SKAP2: variants seen among roughly 807,000 people sequenced by gnomAD.
The protein encoded by SKAP2 is src kinase-associated phosphoprotein 2.
In SKAP2, 28 loss-of-function variants were observed where a neutral mutation model predicts 54.9. That is an observed-to-expected ratio of 0.51 (90% CI 0.38 to 0.70). The LOEUF (loss-of-function observed/expected upper bound fraction) is 0.70, where lower values mean the gene tolerates loss of function less well. Among genes scored for constraint, SKAP2 ranks in the 30% least tolerant of loss-of-function variants. The pLI is 0.00. For missense variants in SKAP2, 356 were observed against 424.1 expected, an observed-to-expected ratio of 0.84 and a Z score of 1.41; for synonymous variants, 137 against 134.3, an observed-to-expected ratio of 1.02 and a Z score of -0.14.
rs556021465 is a variant in SKAP2 at position 26,684,290 on chromosome 7, C to T, written c.987+446G>A. ...TAGAAAAGCATTGCTTTTAAATTGC[C>T]GGAACACCCAACATATTTACATAAA... On this transcript the variant is annotated intron_variant, in intron 11 of 12. Transcript: ENST00000345317. Among the ~76,000 whole-genome samples, 4 of 152,078 alleles carry T rather than the reference C, an allele frequency of 2.6e-5. No homozygotes were observed. In the South Asian group the frequency reaches 6.2e-4, roughly 24 times the overall value.
chr7:26,771,973 C>A (rs145361981), intron 4 of SKAP2, among the ~76,000 whole-genome samples: 3 of 152,026 alleles, frequency 2.0e-5, no homozygotes, highest in Non-Finnish European at 4.4e-5. Context: ...CTATTCCTAT[C>A]GCCTGGAAGA....
chr7:26,739,983 A>AG lies in SKAP2; in HGVS notation c.308-20dup. The AG allele has an allele frequency of 1.3e-6, 2 of 1,541,994 alleles. No individual in the cohort carries two copies. The highest frequency in any genetic ancestry group is 1.8e-6 in the Non-Finnish European group (2 of 1,130,292). ...TGGGCTCCTATGAGAAGTTGGGGAG[A>AG]GAAAAAAAAAAGCAGTGGGTAATCC... On this transcript the variant is annotated intron_variant, in intron 4 of 12. Coordinates refer to ENST00000345317, the MANE Select transcript of SKAP2 (RefSeq NM_003930.5).
At chr7:26,658,042 G>T in the SKAP2 span, among the ~76,000 whole-genome samples, 5 of 152,212 alleles carry the variant, frequency 3.3e-5, no homozygotes, top group African/African-American at 1.2e-4. Context: ...TGCTACTGAG[G>T]TCTGTTGCTT....
intron 9 of SKAP2, among the ~76,000 whole-genome samples, chr7:26,707,138 T>C (rs1048764614): frequency 7.9e-5 from 12 of 152,196 alleles, no homozygotes; most frequent in Admixed American, 7.9e-4. Context: ...GGCAGGTGGA[T>C]TGCTTGAGCC....
chr7:26,808,233 A>T (rs537893749), intron 4 of SKAP2, among the ~76,000 whole-genome samples: 1 of 152,362 alleles, frequency 6.6e-6, no homozygotes, highest in East Asian at 1.9e-4. Flanking sequence ...GTCCATGAAC[A>T]GATGAATGGA....
intron 4 of SKAP2, among the ~76,000 whole-genome samples, chr7:26,809,129 T>C (rs1250663862): frequency 6.6e-6 from 1 of 151,978 alleles, no homozygotes; most frequent in Non-Finnish European, 1.5e-5. Context: ...AAAAAAGTGG[T>C]CTGGCCGGGC....
chr7:26,734,815 GCCTTAATCA>G (rs1305372218), intron 6 of SKAP2, among the ~76,000 whole-genome samples: 1 of 152,100 alleles, frequency 6.6e-6, no homozygotes, highest in African/African-American at 2.4e-5. Flanking sequence ...AAGCCCTCAT[GCCTTAATCA>G]CCTCCCAAAA....
At chr7:26,768,343 CTATT>C (rs1783110227) in intron 4 of SKAP2, among the ~76,000 whole-genome samples, 1 of 149,334 alleles carries the variant, frequency 6.7e-6, no homozygotes. Context: ...TATTTTGACT[CTATT>C]TGTGTCTTTA....
chr7:26,827,753 G>A (rs981678930), intron 4 of SKAP2, among the ~76,000 whole-genome samples: 1 of 152,178 alleles, frequency 6.6e-6, no homozygotes, highest in African/African-American at 2.4e-5. Context: ...CACGTACTTA[G>A]ATAAGGCAGA....
chr7:26,731,594 C>A (rs1429047351), intron 6 of SKAP2, among the ~76,000 whole-genome samples: 1 of 152,182 alleles, frequency 6.6e-6, no homozygotes, highest in African/African-American at 2.4e-5. Context: ...AAATCTTCAT[C>A]TGCTCACTAA....
chr7:26,725,858 AC>A, intron 8 of SKAP2, 64 bp downstream of exon 8: 2 of 1,344,142 alleles, frequency 1.5e-6, no homozygotes, highest in South Asian at 2.4e-5. Flanking sequence ...GTATATGAAA[AC>A]CCAAACTACT....
At chr7:26,845,830 G>A (rs1010730660) in intron 3 of SKAP2, among the ~76,000 whole-genome samples, 8 of 152,202 alleles carry the variant, frequency 5.3e-5, no homozygotes, top group Non-Finnish European at 1.0e-4. Context: ...TCTGTGGGAG[G>A]CTGAGGTAAG....
intron 4 of SKAP2, among the ~76,000 whole-genome samples, chr7:26,748,296 G>T (rs1014268191): frequency 1.9e-4 from 29 of 151,970 alleles, no homozygotes; most frequent in Non-Finnish European, 2.9e-5. Context: ...TTAAAATATG[G>T]TTTTTATCTA....
intron 4 of SKAP2, among the ~76,000 whole-genome samples, chr7:26,834,184 C>A (rs1046492959): frequency 3.3e-5 from 5 of 152,190 alleles, no homozygotes; most frequent in Non-Finnish European, 7.3e-5. Context: ...CTCTGGGACA[C>A]AGCTAAAGCA....
chr7:26,729,993 G>A (rs1787788697), intron 6 of SKAP2, among the ~76,000 whole-genome samples: 1 of 152,120 alleles, frequency 6.6e-6, no homozygotes. Context: ...ATCCAAGTCG[G>A]GTAGGGATAT....
chr7:26,678,954 T>C (rs757603738), intron 11 of SKAP2, among the ~76,000 whole-genome samples: 1 of 152,114 alleles, frequency 6.6e-6, no homozygotes, highest in Non-Finnish European at 1.5e-5. Context: ...CTGAGGGAGT[T>C]CCTCATTTTC....
At chr7:26,763,414 C>A (rs571912535) in intron 4 of SKAP2, among the ~76,000 whole-genome samples, 4 of 152,194 alleles carry the variant, frequency 2.6e-5, no homozygotes, top group Non-Finnish European at 4.4e-5. Context: ...TGGCTCAGTG[C>A]ACCATGTCAG....
At chr7:26,684,686 C>T (rs759778377) in intron 11 of SKAP2, 50 bp downstream of exon 11, 15 of 1,131,878 alleles carry the variant, frequency 1.3e-5, no homozygotes, top group East Asian at 2.4e-5. Context: ...CATTAAAAAT[C>T]GAGCTTTGTA....
intron 4 of SKAP2, among the ~76,000 whole-genome samples, chr7:26,825,923 T>C (rs1217372222): frequency 6.6e-6 from 1 of 152,194 alleles, no homozygotes; most frequent in Non-Finnish European, 1.5e-5. Flanking sequence ...AGTCATACTT[T>C]CACATATCCT....
Sources: allele counts gnomAD v4.1 joint callset (sites outside exome capture counted in the v4.1 genomes callset), GRCh38; gene constraint gnomAD v4.1.1; transcripts MANE v1.5; gene names NCBI Gene and HGNC (gene_info 2026-07-23, HGNC 2026-07-21).